Variants in TTLL6 observed in about 807,000 individuals in gnomAD.
The protein encoded by TTLL6 is tubulin tyrosine ligase like 6.
TTLL6 carries 75 observed loss-of-function variants against 96.4 expected under a neutral mutation model. The observed-to-expected ratio is 0.78, with a 90% confidence interval of 0.65 to 0.94. The LOEUF (loss-of-function observed/expected upper bound fraction) is 0.94, where lower values mean the gene tolerates loss of function less well. TTLL6 is among the 40% of genes least tolerant of loss of function. TTLL6 has a pLI of 0.00. For missense variants in TTLL6, 1,030 were observed against 1,093.0 expected, an observed-to-expected ratio of 0.94 and a Z score of 0.81; for synonymous variants, 411 against 419.4, an observed-to-expected ratio of 0.98 and a Z score of 0.24.
At position 48,769,029 on chromosome 17, in the gene TTLL6, TG is replaced by T. The variant is rs749971954; in HGVS notation, c.2635del (p.His879IlefsTer3). On this transcript the variant is annotated frameshift_variant, in exon 15 of 16. Coordinates refer to ENST00000393382, the MANE Select transcript of TTLL6 (RefSeq NM_001130918.3). LOFTEE classifies it high-confidence loss of function. ...TCCTTTTTGGCCAGAGATCAGGCAA[TG>T]GCTGTATGCTTCTTGATCCTGCATA... Reference protein sequence around the residue: ...PCMQDQEAYSHCLISGQKGCE... With the variant: ...PCMQDQEAYSXCLISGQKGCE... 7.1e-5 allele frequency: 114 copies of T among 1,614,092 alleles called. No individual in the cohort carries two copies. The highest frequency in any genetic ancestry group is 9.1e-5 in the Non-Finnish European group (107 of 1,180,028).
intron 3 of TTLL6, among the ~76,000 whole-genome samples, chr17:48,803,404 G>T (rs563583420): frequency 6.6e-6 from 1 of 150,610 alleles, no homozygotes; most frequent in Non-Finnish European, 1.5e-5. Flanking sequence ...GCTGAGGCAG[G>T]AGAATCACTT....
At chr17:48,777,047 C>T (rs541726966) in intron 13 of TTLL6, among the ~76,000 whole-genome samples, 289 of 151,794 alleles carry the variant, frequency 1.9e-3, no homozygotes, top group Non-Finnish European at 3.6e-3. Flanking sequence ...CACACACACA[C>T]ACCCCTAAAA....
chr17:48,814,503 T>A (rs900930592), intron 1 of TTLL6, among the ~76,000 whole-genome samples: 1 of 152,132 alleles, frequency 6.6e-6, no homozygotes. Flanking sequence ...ATTCTCATGT[T>A]TCCTTCCATT....
In TTLL6 at chr17:48,769,727, C is replaced by T. The variant is rs762560754; in HGVS notation, c.2410+1G>A. ...ACATCCCTGTACACACTGGCACTCA[C>T]GTGACAGGTTATTCATCCCCAGCTT... On this transcript the variant is annotated splice_donor_variant, in intron 14 of 15. Transcript: ENST00000393382. LOFTEE classifies it high-confidence loss of function. 21 of 1,613,156 alleles carry T rather than the reference C, an allele frequency of 1.3e-5. No individual in the cohort carries two copies. Among genetic ancestry groups the T allele is most frequent in the Admixed American group, 5.0e-5 (3 of 59,996 alleles).
chr17:48,815,130 T>C (rs772832862), intron 1 of TTLL6, among the ~76,000 whole-genome samples: 10 of 152,184 alleles, frequency 6.6e-5, no homozygotes, highest in Non-Finnish European at 1.3e-4. Context: ...CTATAAATGA[T>C]AGAAAACAAT....
intron 1 of TTLL6, among the ~76,000 whole-genome samples, chr17:48,811,614 C>G (rs1251169651): frequency 6.6e-6 from 1 of 152,034 alleles, no homozygotes; most frequent in Non-Finnish European, 1.5e-5. Flanking sequence ...TGAATTTATA[C>G]CAGTTCTGCT....
chr17:48,812,987 C>A (rs1299175409), intron 1 of TTLL6, among the ~76,000 whole-genome samples: 1 of 152,212 alleles, frequency 6.6e-6, no homozygotes, highest in Non-Finnish European at 1.5e-5. Context: ...GCAGACATTA[C>A]ACTAAAGCAT....
chr17:48,810,351 A>G (rs1199411652), intron 1 of TTLL6, among the ~76,000 whole-genome samples: 1 of 152,122 alleles, frequency 6.6e-6, no homozygotes, highest in Non-Finnish European at 1.5e-5. Flanking sequence ...AGACAGGTGC[A>G]AGATGGCAAA....
At position 48,774,089 on chromosome 17, in the gene TTLL6, A is replaced by C. The variant is rs1485245585; in HGVS notation, c.2041-3992T>G. 3.9e-3 allele frequency among the ~76,000 whole-genome samples: 401 copies of C among 103,476 alleles called. 23 individuals carry two copies. In the East Asian group the frequency reaches 0.072, roughly 18 times the overall value. 67.9% of individuals were successfully genotyped at this position (103,476 alleles called of 152,430 possible). Reference sequence around the variant, plus strand: ...AAGAGCAAAACTCCATCTCAAAAAAAACAAAACAAAAAAAAAAAAAAAACA... The same window carrying C: ...AAGAGCAAAACTCCATCTCAAAAAACACAAAACAAAAAAAAAAAAAAAACA... On this transcript the variant is annotated intron_variant, in intron 13 of 15. Coordinates refer to ENST00000393382, the MANE Select transcript of TTLL6 (RefSeq NM_001130918.3).
intron 13 of TTLL6, among the ~76,000 whole-genome samples, chr17:48,780,064 T>A (rs1215506978): frequency 6.6e-6 from 1 of 151,702 alleles, no homozygotes; most frequent in East Asian, 1.9e-4. Flanking sequence ...GTAAATTTAA[T>A]CTTAGGGAAA....
rs968217587 is a variant in TTLL6 at position 48,817,143 on chromosome 17, C to T, written c.-71G>A. The T allele has an allele frequency of 7.6e-6, 9 of 1,189,174 alleles. No homozygotes were observed. The highest frequency in any genetic ancestry group is 1.1e-5 in the Non-Finnish European group (9 of 854,688). 73.7% of individuals were successfully genotyped at this position (1,189,174 alleles called of 1,614,324 possible). A position where few individuals can be genotyped will look rare whatever the true frequency, so the allele number is the denominator to read the frequency against. On this transcript the variant is annotated 5_prime_UTR_variant, in exon 1 of 16. It removes an upstream start codon present in the reference 5' UTR. Transcript: ENST00000393382. ...TGGGTCCGCCCGGCCCTCATATTTG[C>T]ATACGGGGCCTTCTAGGCCTTCGAT...
chr17:48,788,541 G>A (rs2039153641), intron 10 of TTLL6, among the ~76,000 whole-genome samples: 3 of 152,288 alleles, frequency 2.0e-5, no homozygotes, highest in Admixed American at 2.0e-4. Flanking sequence ...ATAATGAGGA[G>A]ACTGATTCGG....
chr17:48,816,919 C>A, intron 1 of TTLL6, 51 bp downstream of exon 1: 1 of 1,379,052 alleles, frequency 7.3e-7, no homozygotes. Context: ...AGGGGACAGG[C>A]ACCAGGAGGC....
chr17:48,794,454 G>T, intron 8 of TTLL6: 1 of 1,269,924 alleles, frequency 7.9e-7, no homozygotes, highest in Non-Finnish European at 1.1e-6. Context: ...AGACCAAGAA[G>T]TGCAGGCTCA....
intron 8 of TTLL6, among the ~76,000 whole-genome samples, chr17:48,793,933 T>C (rs2039273807): frequency 1.3e-5 from 2 of 151,904 alleles, no homozygotes; most frequent in African/African-American, 4.8e-5. Flanking sequence ...GAGACCAATT[T>C]GGAGTGCTGC....
In TTLL6 at chr17:48,769,011, TG is replaced by T. The variant is rs765146750; in HGVS notation, c.2653del (p.Gln885LysfsTer22). 1.2e-6 allele frequency: 2 copies of T among 1,614,168 alleles called. No homozygotes were observed. The highest frequency in any genetic ancestry group is 1.7e-6 in the Non-Finnish European group (2 of 1,179,976). On this transcript the variant is annotated frameshift_variant, in exon 15 of 16. Transcript: ENST00000393382. LOFTEE classifies it high-confidence loss of function. ...EAYSHCLISG[Q>X]KGCERS ...TACCTAGCTCCTCTCACATCCTTTT[TG>T]GCCAGAGATCAGGCAATGGCTGTAT...
At chr17:48,786,592 T>C (rs1051427361) in intron 11 of TTLL6, among the ~76,000 whole-genome samples, 2 of 152,194 alleles carry the variant, frequency 1.3e-5, no homozygotes, top group African/African-American at 4.8e-5. Context: ...TATTCCCTAG[T>C]CCATCACAGC....
In TTLL6 at chr17:48,796,172, G is replaced by A. The variant is rs557093046; in HGVS notation, c.913-26C>T. ...CTGGGGAAAAAGACACACATCTGTC[G>A]GGTCAGCTCGGAAGGGCAGGCCCCC... On this transcript the variant is annotated intron_variant, in intron 7 of 15. Coordinates refer to ENST00000393382, the MANE Select transcript of TTLL6 (RefSeq NM_001130918.3). The A allele has an allele frequency of 1.1e-5, 17 of 1,538,336 alleles. No homozygotes were observed. The East Asian group carries it at 1.2e-4, about 11-fold the overall frequency.
rs35763170 is a variant in TTLL6, at chr17:48,779,353, CAAAAAAAAAA to C, written c.2040+5560_2040+5569del. ...TGGGCAACAGAGCAAGACTCTGTCT[CAAAAAAAAAA>C]AAAAAAAAAAAAAAAGACAGATAAC... On this transcript the variant is annotated intron_variant, in intron 13 of 15. Transcript: ENST00000393382. Among the ~76,000 whole-genome samples, 217 of 46,268 alleles carry C rather than the reference CAAAAAAAAAA, an allele frequency of 4.7e-3. 1 individual carries two copies. The highest frequency in any genetic ancestry group is 0.019 in the African/African-American group (208 of 10,860). 30.4% of individuals were successfully genotyped at this position (46,268 alleles called of 152,430 possible).
Sources: gnomAD v4.1 joint callset for allele counts (sites outside exome capture counted in the v4.1 genomes callset) on GRCh38, gnomAD v4.1.1 for gene constraint, MANE v1.5 for transcripts, NCBI Gene and HGNC (gene_info 2026-07-23, HGNC 2026-07-21) for gene names.